The following CSMD1 variants were observed in gnomAD, a reference collection of about 807,000 sequenced individuals.
The protein encoded by CSMD1 is CUB and sushi domain-containing protein 1.
Under a neutral mutation model 417.5 loss-of-function variants are expected in CSMD1, and 213 were observed. That is an observed-to-expected ratio of 0.51 (90% confidence interval 0.46 to 0.57). The LOEUF (loss-of-function observed/expected upper bound fraction) is 0.57. Ranked by LOEUF, CSMD1 falls within the 20% of genes least tolerant of loss-of-function variation. The pLI, the probability that CSMD1 is intolerant of heterozygous loss-of-function variation, is 0.00. For missense variants in CSMD1, 6,923 were observed against 4,529.7 expected, an observed-to-expected ratio of 1.53 and a Z score of -15.17; for synonymous variants, 2,862 against 1,736.8, an observed-to-expected ratio of 1.65 and a Z score of -16.11.
At chr8:3,966,513 C>G (rs1206803513) in intron 5 of CSMD1, among the ~76,000 whole-genome samples, 1 of 152,004 alleles carries the variant, frequency 6.6e-6, no homozygotes, top group Non-Finnish European at 1.5e-5. Flanking sequence ...AGAATCAGTT[C>G]CTGGGAGAAA....
intron 23 of CSMD1, among the ~76,000 whole-genome samples, chr8:3,315,325 G>A (rs1053650211): frequency 1.3e-5 from 2 of 152,062 alleles, no homozygotes; most frequent in African/African-American, 4.8e-5. Context: ...GAGAAGGAAA[G>A]TTCATTAATA....
At chr8:4,088,644 A>G (rs1800548842) in intron 3 of CSMD1, among the ~76,000 whole-genome samples, 1 of 152,112 alleles carries the variant, frequency 6.6e-6, no homozygotes, top group African/African-American at 2.4e-5. Flanking sequence ...AGTAAAGCCC[A>G]AAGTCATTGT....
chr8:4,198,796 G>C (rs900385980), intron 3 of CSMD1, among the ~76,000 whole-genome samples: 1 of 151,968 alleles, frequency 6.6e-6, no homozygotes, highest in Non-Finnish European at 1.5e-5. Context: ...GACTTTACTA[G>C]ATTAACAGAG....
intron 4 of CSMD1, among the ~76,000 whole-genome samples, chr8:4,027,683 T>C (rs981885921): frequency 6.6e-6 from 1 of 152,142 alleles, no homozygotes; most frequent in African/African-American, 2.4e-5. Context: ...AACGGACTAA[T>C]ACAGATGACA....
chr8:3,199,425 C>T (rs755675422), intron 33 of CSMD1, among the ~76,000 whole-genome samples: 20 of 151,914 alleles, frequency 1.3e-4, no homozygotes, highest in African/African-American at 2.7e-4. Context: ...AGTCATCTTA[C>T]GAGATGTGAA....
intron 4 of CSMD1, among the ~76,000 whole-genome samples, chr8:3,999,394 T>A (rs1222271907): frequency 6.6e-6 from 1 of 152,194 alleles, no homozygotes; most frequent in African/African-American, 2.4e-5. Context: ...AATGACCTCC[T>A]TTTATTAACT....
intron 3 of CSMD1, among the ~76,000 whole-genome samples, chr8:4,342,205 C>CTG (rs58235838): frequency 6.6e-4 from 100 of 150,690 alleles, no homozygotes; most frequent in South Asian, 1.5e-3. Context: ...AGTGCTGTGT[C>CTG]TGTGTGTGTG....
intron 23 of CSMD1, among the ~76,000 whole-genome samples, chr8:3,335,153 T>A (rs535662313): frequency 5.9e-5 from 9 of 152,198 alleles, no homozygotes; most frequent in African/African-American, 2.2e-4. Flanking sequence ...CACCACTATG[T>A]TTCTCTCTCC....
chr8:3,666,644 T>C (rs147698238), intron 7 of CSMD1, among the ~76,000 whole-genome samples: 2,358 of 152,230 alleles, frequency 0.015, 53 homozygotes, highest in African/African-American at 0.053. Flanking sequence ...AATTGAATCA[T>C]GGGGGCAGTT....
intron 1 of CSMD1, among the ~76,000 whole-genome samples, chr8:4,738,891 A>G (rs1014667038): frequency 2.3e-5 from 1 of 43,860 alleles, no homozygotes; most frequent in African/African-American, 1.1e-4. Context: ...TTATACTTAA[A>G]ATTCTGTGTG....
intron 46 of CSMD1, among the ~76,000 whole-genome samples, chr8:3,104,437 C>T (rs1023956949): frequency 2.6e-5 from 4 of 152,074 alleles, no homozygotes; most frequent in African/African-American, 4.8e-5. Flanking sequence ...GTCTGCTTAG[C>T]GTTTAAACAG....
intron 6 of CSMD1, among the ~76,000 whole-genome samples, chr8:3,737,090 G>A (rs1017136767): frequency 6.6e-6 from 1 of 152,148 alleles, no homozygotes; most frequent in African/African-American, 2.4e-5. Context: ...TTATATTATA[G>A]TCATGTAACT....
chr8:4,196,510 G>A (rs532844566), intron 3 of CSMD1, among the ~76,000 whole-genome samples: 13 of 152,164 alleles, frequency 8.5e-5, no homozygotes, highest in African/African-American at 2.7e-4. Context: ...CATTTATGGG[G>A]CCCACATTCC....
intron 7 of CSMD1, among the ~76,000 whole-genome samples, chr8:3,683,692 T>C (rs886835028): frequency 1.3e-5 from 2 of 152,144 alleles, no homozygotes; most frequent in Admixed American, 1.3e-4. Flanking sequence ...TTTTCCACAC[T>C]AGACAGAAAG....
At chr8:3,386,461 C>T (rs187200482) in intron 18 of CSMD1, among the ~76,000 whole-genome samples, 1 of 152,202 alleles carries the variant, frequency 6.6e-6, no homozygotes, top group Non-Finnish European at 1.5e-5. Context: ...TCTGTGGTCT[C>T]GGCCACAGTG....
intron 49 of CSMD1, among the ~76,000 whole-genome samples, chr8:3,057,840 A>C (rs1812337267): frequency 6.6e-6 from 1 of 152,176 alleles, no homozygotes; most frequent in Non-Finnish European, 1.5e-5. Context: ...AAGTTTTCAT[A>C]ATTTCATTTT....
intron 5 of CSMD1, among the ~76,000 whole-genome samples, chr8:3,938,667 G>A (rs887137653): frequency 6.6e-6 from 1 of 152,166 alleles, no homozygotes; most frequent in Non-Finnish European, 1.5e-5. Context: ...GTCTGCTTCT[G>A]TTAATTACTT....
chr8:3,860,144 A>G (rs769760930), intron 5 of CSMD1, among the ~76,000 whole-genome samples: 16 of 152,252 alleles, frequency 1.1e-4, no homozygotes, highest in Non-Finnish European at 2.2e-4. Context: ...AATCTAATAC[A>G]TATTAACCCC....
At chr8:3,533,796 T>G (rs1563129425) in intron 10 of CSMD1, among the ~76,000 whole-genome samples, 3 of 152,168 alleles carry the variant, frequency 2.0e-5, no homozygotes, top group Admixed American at 2.0e-4. Context: ...TCACAAAACC[T>G]GGAAAACATG....
Sources: allele counts gnomAD v4.1 joint callset (sites outside exome capture counted in the v4.1 genomes callset), GRCh38; gene constraint gnomAD v4.1.1; transcripts MANE v1.5; gene names NCBI Gene and HGNC (gene_info 2026-07-23, HGNC 2026-07-21).